GATA4: variants seen among roughly 807,000 people sequenced by gnomAD.
GATA4 encodes GATA binding protein 4, also known as transcription factor GATA-4.
A neutral mutation model predicts 37.9 loss-of-function variants in GATA4; 7 were observed. The observed-to-expected ratio is 0.18, with a 90% CI of 0.11 to 0.35. GATA4 has a LOEUF of 0.35. Ranked by LOEUF, GATA4 falls within the 10% of genes least tolerant of loss-of-function variation. The pLI, the probability that GATA4 is intolerant of heterozygous loss-of-function variation, is 1.00. For synonymous variants in GATA4, 372 were observed against 292.6 expected (o/e 1.27, Z -2.77); for missense variants, 647 against 653.0 (o/e 0.99, Z 0.10).
chr8:11,684,862 T>C (rs193213893), intron 1 of GATA4, among the ~76,000 whole-genome samples: 9 of 152,344 alleles, frequency 5.9e-5, no homozygotes, highest in African/African-American at 1.9e-4. Flanking sequence ...CTGATAAATA[T>C]GTTTTTTATT....
At chr8:11,753,101 T>C (rs542729799) in intron 4 of GATA4, among the ~76,000 whole-genome samples, 1 of 152,364 alleles carries the variant, frequency 6.6e-6, no homozygotes, top group East Asian at 1.9e-4. Context: ...GAGCTATTTG[T>C]ACACTGCTGT....
At chr8:11,705,101 A>G (rs1367636413) in intron 1 of GATA4, among the ~76,000 whole-genome samples, 2 of 152,098 alleles carry the variant, frequency 1.3e-5, no homozygotes, top group African/African-American at 4.8e-5. Context: ...CACCAGGTTG[A>G]GGAAAGGAGG....
chr8:11,688,045 A>G (rs1799196156), upstream of GATA4, among the ~76,000 whole-genome samples: 1 of 152,222 alleles, frequency 6.6e-6, no homozygotes. Context: ...GCTTAAACCC[A>G]ACTGAGTAAA....
At chr8:11,682,215 C>G (rs752196555) in intron 1 of GATA4, among the ~76,000 whole-genome samples, 10 of 152,182 alleles carry the variant, frequency 6.6e-5, no homozygotes, top group Non-Finnish European at 1.5e-4. Context: ...AATGTAGAAT[C>G]TTTTAAAACG....
chr8:11,688,485 C>T (rs1286096188), upstream of GATA4, among the ~76,000 whole-genome samples: 1 of 151,980 alleles, frequency 6.6e-6, no homozygotes, highest in African/African-American at 2.4e-5. Context: ...ACTGAGGTGA[C>T]AAAATAAAGC....
chr8:11,705,747 C>G (rs1175524074), intron 1 of GATA4, among the ~76,000 whole-genome samples: 2 of 152,154 alleles, frequency 1.3e-5, no homozygotes, highest in East Asian at 3.9e-4. Context: ...TTCTAGTAAT[C>G]CAACTCAGGC....
chr8:11,717,486 G>C (rs2130124578), intron 2 of GATA4, among the ~76,000 whole-genome samples: 1 of 152,290 alleles, frequency 6.6e-6, no homozygotes, highest in South Asian at 2.1e-4. Flanking sequence ...GAAAGAGCCT[G>C]TAATCTCAGG....
intron 2 of GATA4, among the ~76,000 whole-genome samples, chr8:11,743,479 C>G (rs1332421820): frequency 6.6e-6 from 1 of 152,226 alleles, no homozygotes; most frequent in Non-Finnish European, 1.5e-5. Context: ...GAGAGCAGAC[C>G]AGGCTCTGTG....
upstream of GATA4, chr8:11,692,018 G>T: frequency 1.0e-6 from 1 of 985,398 alleles, no homozygotes; most frequent in Non-Finnish European, 1.2e-6. Flanking sequence ...GCTTCGCAGG[G>T]GATCTGTTCA....
Position 11,749,296 on chromosome 8 carries a change from A to G in GATA4, c.786+211A>G, listed in dbSNP as rs1345615668. On this transcript the variant is annotated intron_variant, in intron 3 of 6. Transcript: ENST00000532059. This position sits in a 1 kb window ranked among gnomAD's most constrained non-coding sequence, Gnocchi z 4.6. Reference sequence around the variant, plus strand: ...AGTTCAACCTCTTCGGCACACAGAAACTGAAAGTGAGGCTCAGAAAAGCTA... The same window carrying G: ...AGTTCAACCTCTTCGGCACACAGAAGCTGAAAGTGAGGCTCAGAAAAGCTA... Among the ~76,000 whole-genome samples the G allele has an allele frequency of 6.6e-6, 1 of 152,192 alleles. No individual in the cohort carries two copies. Among genetic ancestry groups the G allele is most frequent in the Non-Finnish European group, 1.5e-5 (1 of 68,038 alleles).
chr8:11,700,031 C>T (rs1370907787), upstream of GATA4, among the ~76,000 whole-genome samples: 1 of 152,174 alleles, frequency 6.6e-6, no homozygotes, highest in Non-Finnish European at 1.5e-5. Context: ...GCTTTGCCAC[C>T]TCAGACAAGT....
intron 2 of GATA4, among the ~76,000 whole-genome samples, chr8:11,729,529 C>A (rs1023198543): frequency 8.3e-4 from 123 of 148,894 alleles, no homozygotes; most frequent in Admixed American, 4.1e-4. Context: ...GCACTCCAGC[C>A]TGGGCAACAG....
chr8:11,733,106 G>A (rs1388827873), intron 2 of GATA4, among the ~76,000 whole-genome samples: 1 of 152,178 alleles, frequency 6.6e-6, no homozygotes, highest in East Asian at 1.9e-4. Context: ...TAAATTCCCT[G>A]TGGAGGGAGC....
intron 2 of GATA4, among the ~76,000 whole-genome samples, chr8:11,713,459 G>A (rs1279312827): frequency 1.3e-5 from 2 of 152,086 alleles, no homozygotes; most frequent in East Asian, 3.9e-4. Flanking sequence ...CACACAGAAT[G>A]GCTGCGTGAG....
chr8:11,683,890 C>T (rs1799057635), intron 1 of GATA4, among the ~76,000 whole-genome samples: 2 of 152,222 alleles, frequency 1.3e-5, no homozygotes, highest in South Asian at 4.1e-4. Context: ...GTGGGCTTCC[C>T]ATTTGAAACT....
At chr8:11,680,623 C>T in intron 1 of GATA4, 1 of 985,352 alleles carries the variant, frequency 1.0e-6, no homozygotes, top group African/African-American at 1.7e-5. Context: ...GGCGTGACCT[C>T]TTGCCACGCC....
chr8:11,686,826 C>T (rs1028369438), intron 1 of GATA4, among the ~76,000 whole-genome samples: 3 of 152,040 alleles, frequency 2.0e-5, no homozygotes, highest in Admixed American at 6.5e-5. Flanking sequence ...GATGAAACCC[C>T]GTTTCTACTA....
intron 2 of GATA4, among the ~76,000 whole-genome samples, chr8:11,727,489 A>T (rs904304476): frequency 2.0e-5 from 3 of 152,122 alleles, no homozygotes; most frequent in African/African-American, 7.2e-5. Flanking sequence ...GACAGTTGAT[A>T]AGGAGAGGCA....
intron 1 of GATA4, chr8:11,681,459 G>A (rs915568424): frequency 1.0e-6 from 1 of 981,728 alleles, no homozygotes; most frequent in African/African-American, 1.8e-5. Flanking sequence ...GCCGGAATCC[G>A]GGGCCCGGTC....
Sources: allele counts gnomAD v4.1 joint callset (sites outside exome capture counted in the v4.1 genomes callset), GRCh38; gene constraint gnomAD v4.1.1; non-coding constraint Gnocchi (gnomAD v3.1); transcripts MANE v1.5; gene names NCBI Gene and HGNC (gene_info 2026-07-23, HGNC 2026-07-21).